The following OTOF variants were observed in gnomAD, a reference collection of about 807,000 sequenced individuals.
OTOF encodes otoferlin, also known as fer-1-like family member 2.
OTOF carries 218 observed loss-of-function variants against 236.8 expected under a neutral mutation model. That is an observed-to-expected ratio of 0.92 (90% CI 0.82 to 1.03). OTOF has a LOEUF of 1.03. OTOF is among the 50% of genes least tolerant of loss of function. The pLI, the probability that OTOF is intolerant of heterozygous loss-of-function variation, is 0.00. For synonymous variants in OTOF, 1,041 were observed against 1,072.5 expected, an observed-to-expected ratio of 0.97 and a Z score of 0.57; for missense variants, 2,590 against 2,694.4, an observed-to-expected ratio of 0.96 and a Z score of 0.86.
chr2:26,482,699 ATG>A lies in OTOF; in HGVS notation c.1393-109_1393-108del, dbSNP rs1572438360. On this transcript the variant is annotated intron_variant, in intron 13 of 46. Transcript: ENST00000272371. ...TGTGCGTGAGTGGGCACATGTGTGC[ATG>A]TGTGAGTGGGTGTGCATGCGTGTGT... 10 of 849,518 alleles carry A rather than the reference ATG, an allele frequency of 1.2e-5. No homozygotes were observed. The South Asian group carries it at 1.2e-4, about 11-fold the overall frequency. The allele number at this position is 849,518 out of a possible 1,614,324, so 52.6% of individuals were successfully genotyped here.
intron 5 of OTOF, among the ~76,000 whole-genome samples, chr2:26,511,001 A>T (rs532658679): frequency 6.6e-6 from 1 of 152,348 alleles, no homozygotes; most frequent in South Asian, 2.1e-4. Context: ...CCACTATTCC[A>T]ACCCCAAGCT....
At chr2:26,527,198 T>C (rs1414023454) in intron 3 of OTOF, among the ~76,000 whole-genome samples, 1 of 152,254 alleles carries the variant, frequency 6.6e-6, no homozygotes, top group Non-Finnish European at 1.5e-5. Context: ...ATTCAGTACC[T>C]GATACACAAT....
At chr2:26,484,670 C>G in intron 11 of OTOF, 37 bp from the exon 12 acceptor site, 2 of 1,609,736 alleles carry the variant, frequency 1.2e-6, no homozygotes, top group Non-Finnish European at 1.7e-6. Context: ...ACCAGACACC[C>G]CCACCCAGAG....
intron 4 of OTOF, among the ~76,000 whole-genome samples, chr2:26,518,670 C>A (rs986599341): frequency 6.6e-6 from 1 of 152,256 alleles, no homozygotes; most frequent in Non-Finnish European, 1.5e-5. Context: ...GTCATGCCCT[C>A]GAGTGCCAGC....
intron 5 of OTOF, among the ~76,000 whole-genome samples, chr2:26,509,642 T>C (rs1173362925): frequency 6.6e-6 from 1 of 152,208 alleles, no homozygotes; most frequent in Non-Finnish European, 1.5e-5. Context: ...ATTTCCATGA[T>C]ATCTTCAGAT....
intron 4 of OTOF, among the ~76,000 whole-genome samples, chr2:26,518,108 T>C (rs1179325307): frequency 6.6e-6 from 1 of 152,216 alleles, no homozygotes; most frequent in African/African-American, 2.4e-5. Context: ...CAGTCCTGGC[T>C]TCTGAGGCTG....
Position 26,555,688 on chromosome 2 carries a change from C to G in OTOF, c.79+2805G>C, listed in dbSNP as rs530493707. Among the ~76,000 whole-genome samples, 282 of 152,262 alleles carry G rather than the reference C, an allele frequency of 1.9e-3. 2 individuals are homozygous for G. The highest frequency in any genetic ancestry group is 6.0e-3 in the African/African-American group (248 of 41,558). ...GCTCCTACAGAGCAGAGTCCAGGCT[C>G]TCTGCCTTCTCCTGGCAGACTGGAA... On this transcript the variant is annotated intron_variant, in intron 1 of 46. Coordinates refer to ENST00000272371, the MANE Select transcript of OTOF (RefSeq NM_194248.3).
chr2:26,528,464 C>A (rs964256657), intron 2 of OTOF, among the ~76,000 whole-genome samples: 9 of 152,240 alleles, frequency 5.9e-5, no homozygotes, highest in African/African-American at 2.2e-4. Flanking sequence ...AGTGGTAACA[C>A]TGGGGACAGG....
intron 12 of OTOF, 33 bp downstream of exon 12, chr2:26,484,441 C>G: frequency 6.2e-7 from 1 of 1,613,250 alleles, no homozygotes; most frequent in Non-Finnish European, 8.5e-7. Context: ...AGGGCTGGCT[C>G]AGACTCCAGG....
At chr2:26,538,507 G>T (rs1211303165) in intron 1 of OTOF, among the ~76,000 whole-genome samples, 2 of 152,228 alleles carry the variant, frequency 1.3e-5, no homozygotes, top group Admixed American at 6.5e-5. Flanking sequence ...ACCCACTAGG[G>T]CATGTTGGGA....
rs1667651453 is a variant in OTOF, at chr2:26,558,480, G to A, written c.79+13C>T. 1 of 1,612,388 alleles carries A rather than the reference G, an allele frequency of 6.2e-7. No individual in the cohort carries two copies. Among genetic ancestry groups the A allele is most frequent in the Non-Finnish European group, 8.5e-7 (1 of 1,178,648 alleles). Reference sequence around the variant, plus strand: ...TCAGAGCTGGCGTCCCTCTGAGACAGCGGCTTCCCTACCTCGGAAAGTCAC... The same window carrying A: ...TCAGAGCTGGCGTCCCTCTGAGACAACGGCTTCCCTACCTCGGAAAGTCAC... On this transcript the variant is annotated intron_variant, in intron 1 of 46. Coordinates refer to ENST00000272371, the MANE Select transcript of OTOF (RefSeq NM_194248.3).
chr2:26,534,578 G>A (rs1166613449), intron 2 of OTOF, among the ~76,000 whole-genome samples: 3 of 152,202 alleles, frequency 2.0e-5, no homozygotes, highest in Non-Finnish European at 4.4e-5. Context: ...CCTGAGCAGA[G>A]GAGGGGCCCC....
intron 24 of OTOF, 48 bp from the exon 25 acceptor site, chr2:26,475,541 C>T (rs1665215880): frequency 1.3e-6 from 2 of 1,593,780 alleles, no homozygotes; most frequent in Non-Finnish European, 1.7e-6. Context: ...GAGGGGGGGG[C>T]AGATGCACAA....
At position 26,558,661 on chromosome 2, in the gene OTOF, C is replaced by A. The variant is rs1667657343; in HGVS notation, c.-90G>T. ...GGCTCACACGCCTCTCTCTTCTCTG[C>A]CGCTGCCTCCTCCTCCTCCTCCCGA... On this transcript the variant is annotated 5_prime_UTR_variant, in exon 1 of 47. Coordinates refer to ENST00000272371, the MANE Select transcript of OTOF (RefSeq NM_194248.3). 2 of 1,130,750 alleles carry A rather than the reference C, an allele frequency of 1.8e-6. No homozygotes were observed. Among genetic ancestry groups the A allele is most frequent in the Non-Finnish European group, 1.3e-6 (1 of 749,170 alleles). The allele number at this position is 1,130,750 out of a possible 1,614,324, so 70.0% of individuals were successfully genotyped here. A position where few individuals can be genotyped will look rare whatever the true frequency, so the allele number is the denominator to read the frequency against.
chr2:26,480,495 G>C (rs1665506883), intron 15 of OTOF, among the ~76,000 whole-genome samples, 184 bp from the exon 16 acceptor site: 1 of 152,228 alleles, frequency 6.6e-6, no homozygotes, highest in Non-Finnish European at 1.5e-5. Context: ...AAGCAGGGCT[G>C]GCTGCAGACA....
In OTOF at chr2:26,463,064, C is replaced by T. The variant is rs976304097; in HGVS notation, c.5192+419G>A. On this transcript the variant is annotated intron_variant, in intron 41 of 46. Transcript: ENST00000272371. ...CCTGGATGTGAGGATGACGCAGGGC[C>T]GGCTCCCAGGGGTTCTGTGTGTTGT... Among the ~76,000 whole-genome samples the T allele has an allele frequency of 1.8e-4, 27 of 152,238 alleles. No homozygotes were observed. The East Asian group carries it at 2.5e-3, about 14-fold the overall frequency.
chr2:26,511,793 T>C (rs1262346536), intron 5 of OTOF, among the ~76,000 whole-genome samples: 1 of 152,146 alleles, frequency 6.6e-6, no homozygotes, highest in African/African-American at 2.4e-5. Flanking sequence ...CTGAGCAGCT[T>C]TGGGAGCTGC....
At position 26,461,916 on chromosome 2, in the gene OTOF, C is replaced by T. The variant is rs764826182; in HGVS notation, c.5313G>A (p.Glu1771=). The T allele has an allele frequency of 1.2e-6, 2 of 1,614,150 alleles. No individual in the cohort carries two copies. Among genetic ancestry groups the T allele is most frequent in the East Asian group, 2.2e-5 (1 of 44,872 alleles). The change falls in exon 43 of 47, where the codon GAG becomes GAA. Residue 1771 remains glutamate, a synonymous_variant. Transcript: ENST00000272371. The surrounding 1 kb of genome is among the most constrained non-coding windows in gnomAD (Gnocchi z 6.2). ...AGTGGACGTCTGTGTCCTGCTTGTC[C>T]TCCTGCTGGCCCTTCAGCCACCTGT... ...FVRGWLKGQQ[E]DKQDTDVHYH...
In OTOF at chr2:26,502,206, C is replaced by T. The variant is rs550963562; in HGVS notation, c.710+94G>A. 23 of 1,405,966 alleles carry T rather than the reference C, an allele frequency of 1.6e-5. No individual in the cohort carries two copies. The African/African-American group carries it at 2.4e-4, about 15-fold the overall frequency. The allele number at this position is 1,405,966 out of a possible 1,614,324, so 87.1% of individuals were successfully genotyped here. A position where few individuals can be genotyped will look rare whatever the true frequency, so the allele number is the denominator to read the frequency against. ...GTTAGGAAGAAGCCGTCCATGAGCCCTGATTCTTCCCTACCCAAATTCCAA... is the reference window on the plus strand; with the variant it reads ...GTTAGGAAGAAGCCGTCCATGAGCCTTGATTCTTCCCTACCCAAATTCCAA... On this transcript the variant is annotated intron_variant, in intron 7 of 46. Transcript: ENST00000272371.
Sources: allele counts gnomAD v4.1 joint callset (sites outside exome capture counted in the v4.1 genomes callset), GRCh38; gene constraint gnomAD v4.1.1; non-coding constraint Gnocchi (gnomAD v3.1); transcripts MANE v1.5; gene names NCBI Gene and HGNC (gene_info 2026-07-23, HGNC 2026-07-21).